FBXL13: variants seen among roughly 807,000 people sequenced by gnomAD.
The protein encoded by FBXL13 is F-box and leucine rich repeat protein 13, also known as F-box and leucine-rich repeat protein 13.
A neutral mutation model predicts 83.6 loss-of-function variants in FBXL13; 67 were observed. That is an observed-to-expected ratio of 0.80 (90% CI 0.66 to 0.98). The LOEUF (loss-of-function observed/expected upper bound fraction) is 0.98. FBXL13 is among the 50% of genes least tolerant of loss of function. The pLI is 0.00. For missense variants in FBXL13, 822 were observed against 866.5 expected, an observed-to-expected ratio of 0.95 and a Z score of 0.64; for synonymous variants, 272 against 299.5, an observed-to-expected ratio of 0.91 and a Z score of 0.95.
exon 20 of FBXL13, chr7:102,813,403 T>C: frequency 6.2e-7 from 1 of 1,614,118 alleles, no homozygotes; most frequent in Non-Finnish European, 8.5e-7. Flanking sequence ...TAAGGCTCCT[T>C]TAGATGATGT....
chr7:103,073,163 A>T (rs1472035614), intron 1 of FBXL13, among the ~76,000 whole-genome samples: 4 of 152,264 alleles, frequency 2.6e-5, no homozygotes, highest in Non-Finnish European at 5.9e-5. Flanking sequence ...ATCTGTTATT[A>T]ACAGTTTGGC....
intron 6 of FBXL13, among the ~76,000 whole-genome samples, chr7:102,982,685 A>G (rs1474170182): frequency 6.6e-6 from 1 of 152,092 alleles, no homozygotes; most frequent in Non-Finnish European, 1.5e-5. Context: ...GCCTGCCACC[A>G]TGTAAGATGT....
Position 102,866,040 on chromosome 7 carries a change from C to T in FBXL13, c.1636-11180G>A, listed in dbSNP as rs995956014. 3.3e-5 allele frequency among the ~76,000 whole-genome samples: 5 copies of T among 152,140 alleles called. No individual in the cohort carries two copies. In the South Asian group the frequency reaches 1.0e-3, roughly 31 times the overall value. On this transcript the variant is annotated intron_variant, in intron 16 of 19. Coordinates refer to ENST00000313221, the Ensembl canonical transcript of FBXL13. ...AATCATATTTCTTTTTAAAATGTAT[C>T]AACCTCTCTGACCTAATTTATTGAC...
At chr7:102,931,055 AC>A (rs1373355290) in intron 9 of FBXL13, among the ~76,000 whole-genome samples, 4 of 152,198 alleles carry the variant, frequency 2.6e-5, no homozygotes, top group Non-Finnish European at 4.4e-5. Context: ...GCAGCAGTGA[AC>A]CCAGCCCTGG....
upstream of FBXL13, chr7:103,074,722 C>T: frequency 7.8e-7 from 1 of 1,289,872 alleles, no homozygotes; most frequent in Non-Finnish European, 1.0e-6. Flanking sequence ...ATGTAGTTCT[C>T]CTTGAAGTAG....
intron 17 of FBXL13, among the ~76,000 whole-genome samples, chr7:102,838,416 T>C (rs943080423): frequency 2.0e-5 from 3 of 152,096 alleles, no homozygotes; most frequent in East Asian, 1.9e-4. Context: ...GTGGCTCTGA[T>C]TGCCAAACTT....
intron 6 of FBXL13, among the ~76,000 whole-genome samples, chr7:103,011,786 C>T (rs1325616962): frequency 7.9e-5 from 12 of 151,304 alleles, no homozygotes; most frequent in Admixed American, 2.0e-4. Context: ...TTCAGTCAGA[C>T]GAAAATAAAG....
At chr7:102,975,113 G>A (rs1176291692) in intron 6 of FBXL13, among the ~76,000 whole-genome samples, 1 of 152,048 alleles carries the variant, frequency 6.6e-6, no homozygotes, top group Non-Finnish European at 1.5e-5. Context: ...ACTCGCTCAG[G>A]CACCATCTTT....
chr7:102,855,070 A>C (rs1041468727), intron 16 of FBXL13, among the ~76,000 whole-genome samples: 1 of 152,170 alleles, frequency 6.6e-6, no homozygotes, highest in African/African-American at 2.4e-5. Context: ...GGTTGTCTCT[A>C]ATGTTTTACA....
intron 8 of FBXL13, chr7:102,934,096 T>A: frequency 6.2e-7 from 1 of 1,614,150 alleles, no homozygotes; most frequent in Non-Finnish European, 8.5e-7. Context: ...CATATCTCCA[T>A]GAGAAATACT....
rs1441884275 is a variant in FBXL13, at chr7:102,973,563, C to T, written c.496-5446G>A. On this transcript the variant is annotated intron_variant, in intron 6 of 19. Coordinates refer to ENST00000313221, the Ensembl canonical transcript of FBXL13. ...AACAGCAGGTTGCTCCACACTGCCT[C>T]GTGTTGTCTGTTGGCACACTCTCAA... is the stretch of plus-strand genomic sequence containing the variant. The T allele has an allele frequency of 1.7e-5, 13 of 765,110 alleles. No individual in the cohort carries two copies. The East Asian group carries it at 2.2e-4, about 13-fold the overall frequency. 47.4% of individuals were successfully genotyped at this position (765,110 alleles called of 1,614,324 possible).
At chr7:103,007,460 C>T (rs1177608077) in intron 6 of FBXL13, among the ~76,000 whole-genome samples, 1 of 151,920 alleles carries the variant, frequency 6.6e-6, no homozygotes, top group Non-Finnish European at 1.5e-5. Flanking sequence ...AGTGAATAAA[C>T]TTAAAAAAAC....
intron 8 of FBXL13, among the ~76,000 whole-genome samples, chr7:102,961,694 T>C (rs1467981682): frequency 2.0e-5 from 3 of 150,554 alleles, no homozygotes; most frequent in Admixed American, 6.6e-5. Context: ...TATCTACAAC[T>C]ATCTGATCTT....
At chr7:102,977,651 A>G (rs530115416) in intron 6 of FBXL13, among the ~76,000 whole-genome samples, 2 of 152,330 alleles carry the variant, frequency 1.3e-5, no homozygotes, top group South Asian at 4.1e-4. Context: ...ACAGTTAACT[A>G]TGTTTATTGT....
intron 10 of FBXL13, among the ~76,000 whole-genome samples, chr7:102,913,867 C>T (rs1584907041): frequency 1.3e-5 from 2 of 152,234 alleles, no homozygotes; most frequent in East Asian, 1.9e-4. Context: ...AAGCAGGCAA[C>T]ACATGAGAAG....
intron 6 of FBXL13, among the ~76,000 whole-genome samples, chr7:102,989,231 A>C (rs1307794537): frequency 6.6e-6 from 1 of 152,248 alleles, no homozygotes; most frequent in Non-Finnish European, 1.5e-5. Context: ...TTGTGAATGC[A>C]GAAGAAGGAA....
intron 19 of FBXL13, among the ~76,000 whole-genome samples, chr7:102,820,794 AT>A (rs1465247951): frequency 2.6e-5 from 4 of 152,256 alleles, no homozygotes; most frequent in Non-Finnish European, 4.4e-5. Flanking sequence ...TGATAACGGC[AT>A]TAGTCTGTTC....
chr7:102,974,671 C>A (rs923839278), intron 6 of FBXL13, among the ~76,000 whole-genome samples: 4 of 152,122 alleles, frequency 2.6e-5, no homozygotes, highest in Non-Finnish European at 5.9e-5. Context: ...CCTCTATTCT[C>A]GCCACCCAGA....
chr7:102,999,871 AT>A (rs1012876208), intron 6 of FBXL13, among the ~76,000 whole-genome samples: 1 of 151,058 alleles, frequency 6.6e-6, no homozygotes, highest in Non-Finnish European at 1.5e-5. Flanking sequence ...GATCATTTGC[AT>A]TTTTTCAGTC....
Sources: gnomAD v4.1 joint callset for allele counts (sites outside exome capture counted in the v4.1 genomes callset) on GRCh38, gnomAD v4.1.1 for gene constraint, MANE v1.5 for transcripts, NCBI Gene and HGNC (gene_info 2026-07-23, HGNC 2026-07-21) for gene names.